The following ADARB2 variants were observed in gnomAD, a reference collection of about 807,000 sequenced individuals.
ADARB2 encodes inactive double-stranded RNA-specific editase B2.
ADARB2 carries 25 observed loss-of-function variants against 62.2 expected under a neutral mutation model. That is an observed-to-expected ratio of 0.40 (90% CI 0.29 to 0.56). The LOEUF is 0.56. Ranked by LOEUF, ADARB2 falls within the 20% of genes least tolerant of loss-of-function variation. The pLI, the probability that ADARB2 is intolerant of heterozygous loss-of-function variation, is 0.43. For missense variants in ADARB2, 1,071 were observed against 1,077.4 expected (o/e 0.99, Z 0.08); for synonymous variants, 572 against 500.8 (o/e 1.14, Z -1.90).
In ADARB2 at chr10:1,265,553, GGCTCTCCCGGAAGACGGCCTGAGTCA is replaced by G. The variant is rs1831187852; in HGVS notation, c.1192+5376_1192+5401del. Among the ~76,000 whole-genome samples, 277 of 144,742 alleles carry G rather than the reference GGCTCTCCCGGAAGACGGCCTGAGTCA, an allele frequency of 1.9e-3. 23 individuals carry two copies. The highest frequency in any genetic ancestry group is 2.6e-3 in the African/African-American group (103 of 39,602). 95.0% of individuals were successfully genotyped at this position (144,742 alleles called of 152,430 possible). ...AGAAGACGCCCTGAGCGGGGGCCCA[GGCTCTCCCGGAAGACGGCCTGAGTCA>G]GGTCCACGCTCTCCCGGAAGACGGC... On this transcript the variant is annotated intron_variant, in intron 4 of 9. Coordinates refer to ENST00000381312, the MANE Select transcript of ADARB2 (RefSeq NM_018702.4).
intron 7 of ADARB2, among the ~76,000 whole-genome samples, chr10:1,203,871 G>A (rs372030418): frequency 1.3e-5 from 2 of 152,186 alleles, no homozygotes; most frequent in East Asian, 3.9e-4. Context: ...CACCTGAGAA[G>A]TTGATAGAAA....
At chr10:1,659,221 T>C (rs187893962) in intron 1 of ADARB2, among the ~76,000 whole-genome samples, 128 of 152,226 alleles carry the variant, frequency 8.4e-4, no homozygotes, top group Non-Finnish European at 1.5e-3. Flanking sequence ...AATTGAAAAA[T>C]AGATTGCCTA....
rs113625146 is a variant in ADARB2, at chr10:1,353,927, T to C, written c.1077+9101A>G. ...CCTCCCATGCCCTCTTCTTGTTTAC[T>C]TATACACAGCCCCGTAAATAACAGA... is the stretch of plus-strand genomic sequence containing the variant. On this transcript the variant is annotated intron_variant, in intron 3 of 9. Transcript: ENST00000381312. Among the ~76,000 whole-genome samples, 984 of 152,308 alleles carry C rather than the reference T, an allele frequency of 6.5e-3. 14 individuals are homozygous for C. The highest frequency in any genetic ancestry group is 0.022 in the African/African-American group (924 of 41,544).
intron 1 of ADARB2, among the ~76,000 whole-genome samples, chr10:1,534,196 G>T (rs1832292826): frequency 6.6e-6 from 1 of 151,900 alleles, no homozygotes; most frequent in African/African-American, 2.4e-5. Flanking sequence ...GAGTGTAAGG[G>T]CATGATCTTG....
chr10:1,465,205 G>A (rs1414791048), intron 1 of ADARB2, among the ~76,000 whole-genome samples: 2 of 152,186 alleles, frequency 1.3e-5, no homozygotes, highest in Admixed American at 1.3e-4. Flanking sequence ...GTGAAGCCAT[G>A]GTCTGTAGAG....
Position 1,455,057 on chromosome 10 carries a change from C to T in ADARB2, c.101-75897G>A, listed in dbSNP as rs74122642. ...ATCAAACTCCTTTAGGGCTTTTCCC[C>T]CTCAGTGGAAAGAGTGGATACCTTG... On this transcript the variant is annotated intron_variant, in intron 1 of 9. Coordinates refer to ENST00000381312, the MANE Select transcript of ADARB2 (RefSeq NM_018702.4). Among the ~76,000 whole-genome samples, 636 of 152,304 alleles carry T rather than the reference C, an allele frequency of 4.2e-3. 2 individuals carry two copies. The highest frequency in any genetic ancestry group is 0.014 in the African/African-American group (602 of 41,558).
intron 1 of ADARB2, among the ~76,000 whole-genome samples, chr10:1,530,683 A>C (rs1344252388): frequency 3.3e-5 from 5 of 151,880 alleles, no homozygotes; most frequent in Non-Finnish European, 7.4e-5. Context: ...TGGGCACCCC[A>C]TACTCTCCAA....
chr10:1,335,835 G>A (rs1831970512), intron 3 of ADARB2, among the ~76,000 whole-genome samples: 1 of 152,124 alleles, frequency 6.6e-6, no homozygotes, highest in East Asian at 1.9e-4. Flanking sequence ...GGCTTATCCT[G>A]CTTGGCACAT....
In ADARB2 at chr10:1,568,364, G is replaced by C. The variant is rs148592926; in HGVS notation, c.100+168687C>G. On this transcript the variant is annotated intron_variant, in intron 1 of 9. Coordinates refer to ENST00000381312, the MANE Select transcript of ADARB2 (RefSeq NM_018702.4). ...GAAAAGCAGCACCGATGGTCCAGCC[G>C]GAGGGGCCTCAGCGAACACACGGTC... is the stretch of plus-strand genomic sequence containing the variant. Among the ~76,000 whole-genome samples, 1,006 of 152,290 alleles carry C rather than the reference G, an allele frequency of 6.6e-3. 12 individuals carry two copies. Among genetic ancestry groups the C allele is most frequent in the African/African-American group, 0.023 (973 of 41,552 alleles).
intron 1 of ADARB2, among the ~76,000 whole-genome samples, chr10:1,550,910 G>C (rs1251855043): frequency 1.3e-5 from 2 of 152,158 alleles, no homozygotes; most frequent in Admixed American, 6.5e-5. Context: ...GTGGAGTTCG[G>C]AGACTAAAGG....
At chr10:1,478,507 G>A (rs1021187607) in intron 1 of ADARB2, among the ~76,000 whole-genome samples, 3 of 152,208 alleles carry the variant, frequency 2.0e-5, no homozygotes, top group African/African-American at 7.2e-5. Context: ...AAAGAGTTCA[G>A]CTTCTCAAAA....
At chr10:1,266,515 G>T (rs936592572) in intron 4 of ADARB2, among the ~76,000 whole-genome samples, 1 of 151,158 alleles carries the variant, frequency 6.6e-6, no homozygotes, top group Non-Finnish European at 1.5e-5. Flanking sequence ...GGGGGGTGGG[G>T]GGGGGGCCGT....
intron 3 of ADARB2, among the ~76,000 whole-genome samples, chr10:1,310,313 G>C (rs1831676862): frequency 6.6e-6 from 1 of 152,170 alleles, no homozygotes; most frequent in Non-Finnish European, 1.5e-5. Flanking sequence ...AGAAGCAGCT[G>C]GCACTGAGGC....
intron 1 of ADARB2, among the ~76,000 whole-genome samples, chr10:1,576,677 G>T (rs1215210701): frequency 6.6e-5 from 10 of 152,170 alleles, no homozygotes; most frequent in Non-Finnish European, 1.5e-4. Context: ...GAGCGGAGGG[G>T]CGCTGTGCAC....
At chr10:1,632,541 G>A (rs998585298) in intron 1 of ADARB2, among the ~76,000 whole-genome samples, 3 of 152,238 alleles carry the variant, frequency 2.0e-5, no homozygotes, top group African/African-American at 7.2e-5. Flanking sequence ...GGCCTATGGC[G>A]AGGCTGTGGG....
intron 2 of ADARB2, among the ~76,000 whole-genome samples, chr10:1,366,206 T>G (rs1832312510): frequency 6.6e-6 from 1 of 152,218 alleles, no homozygotes; most frequent in Non-Finnish European, 1.5e-5. Context: ...TTATTTCTTT[T>G]GCAGAAAATG....
chr10:1,607,376 A>G (rs1488874437), intron 1 of ADARB2, among the ~76,000 whole-genome samples: 1 of 152,126 alleles, frequency 6.6e-6, no homozygotes, highest in Non-Finnish European at 1.5e-5. Context: ...GGACCCTGAA[A>G]CTCTGGAGTC....
At chr10:1,297,223 GGGA>G (rs1831530971) in intron 3 of ADARB2, among the ~76,000 whole-genome samples, 1 of 152,168 alleles carries the variant, frequency 6.6e-6, no homozygotes, top group African/African-American at 2.4e-5. Context: ...CTTTATCGCA[GGGA>G]GGAAGGGAGG....
chr10:1,288,647 C>T (rs981013467), intron 3 of ADARB2, among the ~76,000 whole-genome samples: 6 of 152,204 alleles, frequency 3.9e-5, no homozygotes, highest in Non-Finnish European at 8.8e-5. Context: ...ATGAGATGAG[C>T]CTGCAGGTAG....
Sources: gnomAD v4.1 joint callset for allele counts (sites outside exome capture counted in the v4.1 genomes callset) on GRCh38, gnomAD v4.1.1 for gene constraint, MANE v1.5 for transcripts, NCBI Gene and HGNC (gene_info 2026-07-23, HGNC 2026-07-21) for gene names.